The following LRRTM4 variants were observed in gnomAD, a reference collection of about 807,000 sequenced individuals.
LRRTM4 encodes the protein leucine-rich repeat transmembrane neuronal protein 4.
LRRTM4 carries 25 observed loss-of-function variants against 47.6 expected under a neutral mutation model. The ratio of observed to expected loss-of-function variants is 0.53; its 90% CI spans 0.38 to 0.73. The LOEUF is 0.73. LRRTM4 is among the 30% of genes least tolerant of loss of function. The pLI, the probability that LRRTM4 is intolerant of heterozygous loss-of-function variation, is 0.00. For synonymous variants in LRRTM4, 311 were observed against 269.5 expected (o/e 1.15, Z -1.51); for missense variants, 638 against 713.4 (o/e 0.89, Z 1.20).
intron 3 of LRRTM4, among the ~76,000 whole-genome samples, chr2:77,241,942 AC>A (rs1253483166): frequency 6.6e-6 from 1 of 152,032 alleles, no homozygotes; most frequent in Non-Finnish European, 1.5e-5. Flanking sequence ...AAATCAATTG[AC>A]CCTATGTGAA....
At chr2:76,973,329 T>G (rs558040477) in intron 3 of LRRTM4, among the ~76,000 whole-genome samples, 2 of 152,008 alleles carry the variant, frequency 1.3e-5, no homozygotes, top group African/African-American at 4.8e-5. Flanking sequence ...GTTGTCCCAG[T>G]TCCCAATTAG....
intron 3 of LRRTM4, among the ~76,000 whole-genome samples, chr2:77,450,662 C>CA (rs898547490): frequency 7.6e-4 from 115 of 151,458 alleles, no homozygotes; most frequent in African/African-American, 2.7e-3. Context: ...CCTGATCTGC[C>CA]AAAAAAAACT....
At chr2:76,800,211 G>C (rs1244060670) in intron 3 of LRRTM4, among the ~76,000 whole-genome samples, 1 of 146,918 alleles carries the variant, frequency 6.8e-6, no homozygotes, top group Non-Finnish European at 1.5e-5. Flanking sequence ...TATACTACAA[G>C]GCGACAGTGA....
chr2:77,395,040 A>G (rs566428672), intron 3 of LRRTM4, among the ~76,000 whole-genome samples: 11 of 151,956 alleles, frequency 7.2e-5, no homozygotes, highest in Non-Finnish European at 1.5e-4. Flanking sequence ...TTTATTCTTT[A>G]AGTGTAAGGG....
rs1048695225 is a variant in LRRTM4, at chr2:77,315,644, T to C, written c.1551+202674A>G. ...TCTAGACCCTAACCTTCCTTTCCTT[T>C]GAGCAATTTTTTTTTGGTTGGGGGT... is the stretch of plus-strand genomic sequence containing the variant. On this transcript the variant is annotated intron_variant, in intron 3 of 3. Coordinates refer to ENST00000409884, the MANE Select transcript of LRRTM4 (RefSeq NM_001134745.3). Among the ~76,000 whole-genome samples, 54 of 152,188 alleles carry C rather than the reference T, an allele frequency of 3.5e-4. 1 individual carries two copies. The highest frequency in any genetic ancestry group is 5.7e-4 in the Non-Finnish European group (39 of 68,020).
chr2:77,431,116 G>C (rs1446151543), intron 3 of LRRTM4, among the ~76,000 whole-genome samples: 1 of 149,008 alleles, frequency 6.7e-6, no homozygotes, highest in African/African-American at 2.6e-5. Flanking sequence ...CTCCAAGACA[G>C]CTGTAGTGAG....
intron 3 of LRRTM4, among the ~76,000 whole-genome samples, chr2:76,830,527 T>C (rs1402363211): frequency 1.3e-5 from 2 of 150,266 alleles, no homozygotes; most frequent in African/African-American, 2.5e-5. Flanking sequence ...TGTGTGTGTG[T>C]GTGTGTGTGT....
intron 3 of LRRTM4, among the ~76,000 whole-genome samples, chr2:76,957,838 C>T (rs549735650): frequency 4.4e-4 from 67 of 151,696 alleles, no homozygotes; most frequent in African/African-American, 1.5e-3. Context: ...AACATATGTG[C>T]TTATGATATG....
chr2:77,259,209 T>G (rs1409921999), intron 3 of LRRTM4, among the ~76,000 whole-genome samples: 5 of 152,064 alleles, frequency 3.3e-5, no homozygotes, highest in African/African-American at 4.8e-5. Flanking sequence ...AACTTAGATG[T>G]GAATTCTGAC....
chr2:77,246,395 T>C (rs1675447194), intron 3 of LRRTM4, among the ~76,000 whole-genome samples: 1 of 152,124 alleles, frequency 6.6e-6, no homozygotes, highest in Non-Finnish European at 1.5e-5. Context: ...AGGTAAATAA[T>C]TGAATCAGTG....
chr2:77,373,438 ATGG>A (rs1216426109), intron 3 of LRRTM4, among the ~76,000 whole-genome samples: 1 of 151,700 alleles, frequency 6.6e-6, no homozygotes, highest in Non-Finnish European at 1.5e-5. Context: ...AAAACATAGA[ATGG>A]GGCAGCTGTC....
intron 3 of LRRTM4, among the ~76,000 whole-genome samples, chr2:77,166,726 A>G (rs1299949714): frequency 6.6e-6 from 1 of 152,162 alleles, no homozygotes; most frequent in African/African-American, 2.4e-5. Context: ...TATTTAATAA[A>G]TGGTACTGGG....
chr2:77,034,186 G>A (rs573003036), intron 3 of LRRTM4, among the ~76,000 whole-genome samples: 1 of 151,618 alleles, frequency 6.6e-6, no homozygotes, highest in African/African-American at 2.4e-5. Flanking sequence ...ATTTCAAATT[G>A]TTTAATTTTA....
At chr2:77,262,964 A>C (rs754806322) in intron 3 of LRRTM4, among the ~76,000 whole-genome samples, 44 of 152,128 alleles carry the variant, frequency 2.9e-4, no homozygotes, top group South Asian at 1.0e-3. Flanking sequence ...AACCCTCGTG[A>C]TGGGAGGTTG....
At chr2:77,371,719 T>A (rs921492714) in intron 3 of LRRTM4, among the ~76,000 whole-genome samples, 2 of 151,496 alleles carry the variant, frequency 1.3e-5, no homozygotes, top group African/African-American at 4.8e-5. Context: ...AATCTTCAAC[T>A]TTTTTTTCTA....
At chr2:76,754,400 CAT>C (rs1354664251) in intron 3 of LRRTM4, among the ~76,000 whole-genome samples, 1 of 151,690 alleles carries the variant, frequency 6.6e-6, no homozygotes, top group Non-Finnish European at 1.5e-5. Context: ...TTAATTGGCT[CAT>C]AGAATACAAG....
At chr2:77,230,698 A>G (rs1674937811) in intron 3 of LRRTM4, among the ~76,000 whole-genome samples, 1 of 152,158 alleles carries the variant, frequency 6.6e-6, no homozygotes, top group Non-Finnish European at 1.5e-5. Context: ...AAAGCACATA[A>G]CTCACTGCCT....
intron 3 of LRRTM4, among the ~76,000 whole-genome samples, chr2:77,300,807 A>G (rs1319026834): frequency 6.6e-6 from 1 of 152,094 alleles, no homozygotes; most frequent in Non-Finnish European, 1.5e-5. Flanking sequence ...TAAGATAGCA[A>G]CTTGTATTAT....
chr2:77,340,380 C>T (rs1194572994), intron 3 of LRRTM4, among the ~76,000 whole-genome samples: 1 of 151,884 alleles, frequency 6.6e-6, no homozygotes, highest in Non-Finnish European at 1.5e-5. Context: ...ATAATAGAAT[C>T]TGTTCTATAA....
Sources: gnomAD v4.1 joint callset for allele counts (sites outside exome capture counted in the v4.1 genomes callset) on GRCh38, gnomAD v4.1.1 for gene constraint, MANE v1.5 for transcripts, NCBI Gene and HGNC (gene_info 2026-07-23, HGNC 2026-07-21) for gene names.